The following RCBTB1 variants were observed in gnomAD, a reference collection of about 807,000 sequenced individuals.
The protein encoded by RCBTB1 is RCC1 and BTB domain-containing protein 1.
RCBTB1 carries 46 observed loss-of-function variants against 62.4 expected under a neutral mutation model. The observed-to-expected ratio is 0.74, with a 90% confidence interval of 0.58 to 0.94. The LOEUF (loss-of-function observed/expected upper bound fraction) is 0.94. Among genes scored for constraint, RCBTB1 ranks in the 40% least tolerant of loss-of-function variants. The pLI, the probability that RCBTB1 is intolerant of heterozygous loss-of-function variation, is 0.00. For synonymous variants in RCBTB1, 222 were observed against 245.8 expected, an observed-to-expected ratio of 0.90 and a Z score of 0.91; for missense variants, 565 against 654.9, an observed-to-expected ratio of 0.86 and a Z score of 1.50.
rs1000189179 is a variant in RCBTB1 at position 49,550,347 on chromosome 13, A to G, written c.855-699T>C. ...GCTCAGAACACTCATTGGGCTGATAAGCATTGGCTGGGGGTCACGGACTCT... is the reference window on the plus strand; with the variant it reads ...GCTCAGAACACTCATTGGGCTGATAGGCATTGGCTGGGGGTCACGGACTCT... On this transcript the variant is annotated intron_variant, in intron 8 of 12. Transcript: ENST00000378302. 5.1e-6 allele frequency: 3 copies of G among 593,456 alleles called. No individual in the cohort carries two copies. The East Asian group carries it at 4.3e-4, about 85-fold the overall frequency. The allele number at this position is 593,456 out of a possible 1,614,324, so 36.8% of individuals were successfully genotyped here.
intron 2 of RCBTB1, among the ~76,000 whole-genome samples, chr13:49,570,677 A>T (rs1963336195): frequency 1.3e-5 from 2 of 152,254 alleles, no homozygotes; most frequent in Non-Finnish European, 2.9e-5. Flanking sequence ...CCAAGCAAGT[A>T]ATTATCCCTA....
Position 49,531,980 on chromosome 13 carries a change from G to A in RCBTB1, c.*2142C>T, listed in dbSNP as rs372400658. The A allele has an allele frequency of 3.3e-5, 5 of 152,584 alleles. No individual in the cohort carries two copies. The highest frequency in any genetic ancestry group is 2.0e-4 in the Admixed American group (3 of 15,282). 9.5% of individuals were successfully genotyped at this position (152,584 alleles called of 1,614,324 possible). On this transcript the variant is annotated 3_prime_UTR_variant, in exon 13 of 13. Transcript: ENST00000378302. ...ATGTTACTTTGTTTATTAACATGTC[G>A]TTCTAAATATTACATAAATACAGCT...
intron 2 of RCBTB1, among the ~76,000 whole-genome samples, chr13:49,571,505 G>T (rs1055696425): frequency 1.3e-5 from 2 of 152,134 alleles, no homozygotes; most frequent in Non-Finnish European, 2.9e-5. Context: ...CTCTGTCCTC[G>T]GAGCTCACAA....
At chr13:49,567,720 G>T (rs941945846) in intron 2 of RCBTB1, among the ~76,000 whole-genome samples, 3 of 152,174 alleles carry the variant, frequency 2.0e-5, no homozygotes, top group South Asian at 2.1e-4. Flanking sequence ...CCAAAGCCTT[G>T]TCCCCACCCA....
At chr13:49,574,569 G>C (rs1306428303) in intron 2 of RCBTB1, among the ~76,000 whole-genome samples, 1 of 152,050 alleles carries the variant, frequency 6.6e-6, no homozygotes, top group African/African-American at 2.4e-5. Flanking sequence ...ATAACGTAGA[G>C]TGGCAGAATG....
chr13:49,544,947 C>T lies in RCBTB1; in HGVS notation c.1046-84G>A, dbSNP rs1960681451. ...AAGACTTCAAAAAGATCATCATGAC[C>T]GTGATGGATAATTCCACTTGTTTTT... is the stretch of plus-strand genomic sequence containing the variant. On this transcript the variant is annotated intron_variant, in intron 9 of 12. Transcript: ENST00000378302. 7.6e-6 allele frequency: 8 copies of T among 1,049,588 alleles called. No homozygotes were observed. The South Asian group carries it at 7.7e-5, about 10-fold the overall frequency. The allele number at this position is 1,049,588 out of a possible 1,614,324, so 65.0% of individuals were successfully genotyped here.
chr13:49,552,671 A>T (rs1961482600), intron 6 of RCBTB1, among the ~76,000 whole-genome samples: 1 of 152,166 alleles, frequency 6.6e-6, no homozygotes, highest in Admixed American at 6.5e-5. Context: ...AAGTGCTACA[A>T]TAGGTATAAT....
chr13:49,565,867 T>C (rs369317460), intron 4 of RCBTB1, among the ~76,000 whole-genome samples: 4 of 151,556 alleles, frequency 2.6e-5, no homozygotes, highest in African/African-American at 4.9e-5. Flanking sequence ...ATTGTTGCTG[T>C]GTCTGTGTAG....
chr13:49,569,277 A>G (rs1963235024), intron 2 of RCBTB1, among the ~76,000 whole-genome samples: 4 of 152,182 alleles, frequency 2.6e-5, no homozygotes, highest in Admixed American at 2.0e-4. Flanking sequence ...ATGCTTTTAA[A>G]AGTTTAAAAA....
intron 9 of RCBTB1, among the ~76,000 whole-genome samples, chr13:49,546,610 C>T (rs912057178): frequency 7.2e-5 from 11 of 152,194 alleles, no homozygotes; most frequent in African/African-American, 1.7e-4. Flanking sequence ...TACAACTGGA[C>T]GGCCCCATCT....
chr13:49,569,000 T>C, intron 2 of RCBTB1, among the ~76,000 whole-genome samples: 1 of 152,258 alleles, frequency 6.6e-6, no homozygotes, highest in Non-Finnish European at 1.5e-5. Flanking sequence ...TGCCAAGCAC[T>C]ATTTTTAGAA....
chr13:49,535,393 T>C (rs1468200716), intron 12 of RCBTB1, among the ~76,000 whole-genome samples: 1 of 152,174 alleles, frequency 6.6e-6, no homozygotes, highest in South Asian at 2.1e-4. Context: ...AAAGACTCAA[T>C]ATATAAAAGG....
chr13:49,557,029 G>C (rs1961962795), intron 5 of RCBTB1, among the ~76,000 whole-genome samples: 1 of 152,156 alleles, frequency 6.6e-6, no homozygotes, highest in African/African-American at 2.4e-5. Flanking sequence ...CAGTGGATCT[G>C]GGGCATGAGG....
rs1247863810 is a variant in RCBTB1, at chr13:49,555,508, A to G, written c.603+7T>C. 3.7e-6 allele frequency: 6 copies of G among 1,611,932 alleles called. No individual in the cohort carries two copies. The highest frequency in any genetic ancestry group is 5.1e-6 in the Non-Finnish European group (6 of 1,178,230). On this transcript the variant is annotated splice_region_variant and intron_variant, in intron 6 of 12. Coordinates refer to ENST00000378302, the MANE Select transcript of RCBTB1 (RefSeq NM_018191.4). ...TAGAAAGGGAAATGGGAGTGGAGAC[A>G]CCTCACCTCGCCATTGTCCAGAACA...
chr13:49,560,008 G>A lies in RCBTB1; in HGVS notation c.354C>T (p.Pro118=), dbSNP rs756731394. Residue 118 remains proline (P), a synonymous_variant, in exon 5 of 13, where the codon CCC becomes CCT. Transcript: ENST00000378302. ...GNGTTNQGIA[P]VQVCTNLLIK... ...TCAAGAGATTGGTACAGACCTGGAC[G>A]GGAGCAATGCCTTGGTTGGTCGTCC... 2.7e-5 allele frequency: 43 copies of A among 1,613,984 alleles called. No individual in the cohort carries two copies. The highest frequency in any genetic ancestry group is 3.3e-5 in the Admixed American group (2 of 59,978).
intron 12 of RCBTB1, among the ~76,000 whole-genome samples, chr13:49,535,807 G>A (rs1237285829): frequency 1.3e-5 from 2 of 152,038 alleles, no homozygotes; most frequent in Admixed American, 6.6e-5. Flanking sequence ...GGCAGATCAC[G>A]AGGTCAGGAG....
chr13:49,552,262 G>C lies in RCBTB1; in HGVS notation c.627C>G (p.Gly209=). The C allele has an allele frequency of 1.2e-6, 2 of 1,602,164 alleles. No homozygotes were observed. Among genetic ancestry groups the C allele is most frequent in the South Asian group, 1.1e-5 (1 of 88,864 alleles). Residue 209 remains glycine (G), a synonymous_variant, in exon 7 of 13, where the codon GGC becomes GGG. Transcript: ENST00000378302. The part of the protein sequence containing the change: ...NGEVYGWGYN[G]NGQLGLGNNG... ...TGTTTCCCAGGCCCAGCTGACCGTT[G>C]CCATTGTAACCCCAGCCATATACCT...
At chr13:49,551,851 G>T (rs1330059403) in intron 7 of RCBTB1, among the ~76,000 whole-genome samples, 1 of 145,260 alleles carries the variant, frequency 6.9e-6, no homozygotes, top group Non-Finnish European at 1.5e-5. Context: ...AGAGAGCTGA[G>T]ATCGTGCCAT....
intron 2 of RCBTB1, among the ~76,000 whole-genome samples, chr13:49,574,906 C>G (rs902627883): frequency 1.3e-5 from 2 of 148,918 alleles, no homozygotes; most frequent in African/African-American, 5.0e-5. Context: ...ATTATTCACC[C>G]TTAGGAGGAA....
Sources: allele counts gnomAD v4.1 joint callset (sites outside exome capture counted in the v4.1 genomes callset), GRCh38; gene constraint gnomAD v4.1.1; transcripts MANE v1.5; gene names NCBI Gene and HGNC (gene_info 2026-07-23, HGNC 2026-07-21).